PRKCI: variants seen among roughly 807,000 people sequenced by gnomAD.
The protein encoded by PRKCI is protein kinase C iota type.
In PRKCI, 43 loss-of-function variants were observed where a neutral mutation model predicts 84.0. The observed-to-expected ratio is 0.51, with a 90% CI of 0.40 to 0.66. The LOEUF is 0.66. PRKCI is among the 30% of genes least tolerant of loss of function. The pLI, the probability that PRKCI is intolerant of heterozygous loss-of-function variation, is 0.00. For missense variants in PRKCI, 459 were observed against 745.6 expected (o/e 0.62, Z 4.48); for synonymous variants, 216 against 234.4 (o/e 0.92, Z 0.72).
At chr3:170,238,190 C>T (rs902717357) in intron 2 of PRKCI, among the ~76,000 whole-genome samples, 1 of 152,064 alleles carries the variant, frequency 6.6e-6, no homozygotes, top group Admixed American at 6.6e-5. Flanking sequence ...TAGTGAAACC[C>T]CATCTCTACT....
chr3:170,275,363 T>C (rs1276615196), intron 8 of PRKCI, 76 bp downstream of exon 8: 13 of 1,393,854 alleles, frequency 9.3e-6, no homozygotes, highest in Non-Finnish European at 1.3e-5. Flanking sequence ...GTATGACATA[T>C]TGACCTGCTT....
intron 2 of PRKCI, among the ~76,000 whole-genome samples, chr3:170,247,069 C>T (rs1247467956): frequency 6.6e-6 from 1 of 151,720 alleles, no homozygotes; most frequent in Non-Finnish European, 1.5e-5. Flanking sequence ...GCTTTTAAGA[C>T]TTTTTTGTTT....
chr3:170,289,861 G>A (rs372414036), intron 12 of PRKCI, among the ~76,000 whole-genome samples: 67 of 151,534 alleles, frequency 4.4e-4, no homozygotes, highest in African/African-American at 1.4e-3. Context: ...GCAGTGAGCC[G>A]AGATCGCACC....
intron 1 of PRKCI, among the ~76,000 whole-genome samples, chr3:170,226,850 C>G (rs1732638292): frequency 6.6e-6 from 1 of 152,074 alleles, no homozygotes; most frequent in Non-Finnish European, 1.5e-5. Context: ...CCTAGGGCAG[C>G]TGATCCATAG....
At chr3:170,250,023 C>T (rs1379228238) in intron 2 of PRKCI, among the ~76,000 whole-genome samples, 1 of 152,108 alleles carries the variant, frequency 6.6e-6, no homozygotes, top group Non-Finnish European at 1.5e-5. Flanking sequence ...CACCCATAAT[C>T]CCAGCACTTT....
intron 15 of PRKCI, 43 bp downstream of exon 15, chr3:170,296,033 T>C: frequency 8.4e-7 from 1 of 1,185,568 alleles, no homozygotes; most frequent in Non-Finnish European, 1.2e-6. Flanking sequence ...TGTCTCTTTC[T>C]ATATATATCA....
chr3:170,271,259 G>T (rs1303485688), intron 6 of PRKCI, among the ~76,000 whole-genome samples: 2 of 152,050 alleles, frequency 1.3e-5, no homozygotes, highest in African/African-American at 4.8e-5. Flanking sequence ...TAGACATCCA[G>T]CTCCAACAGT....
At position 170,273,431 on chromosome 3, in the gene PRKCI, A is replaced by G; in HGVS notation, c.646+91A>G. 2.5e-6 allele frequency: 3 copies of G among 1,214,642 alleles called. No individual in the cohort carries two copies. In the South Asian group the frequency reaches 3.8e-5, roughly 16 times the overall value. The allele number at this position is 1,214,642 out of a possible 1,614,324, so 75.2% of individuals were successfully genotyped here. A position where few individuals can be genotyped will look rare whatever the true frequency, so the allele number is the denominator to read the frequency against. On this transcript the variant is annotated intron_variant, in intron 7 of 17. Coordinates refer to ENST00000295797, the MANE Select transcript of PRKCI (RefSeq NM_002740.6). ...GACTCTCTTACCCAAGTTTAAAAAC[A>G]TTTACTTCTTCCCAATTAAAAGTAA...
chr3:170,285,700 C>T (rs1194667633), intron 12 of PRKCI, among the ~76,000 whole-genome samples: 1 of 151,592 alleles, frequency 6.6e-6, no homozygotes, highest in East Asian at 1.9e-4. Flanking sequence ...CTTTTATGTA[C>T]AGAATTCAAC....
At chr3:170,288,021 C>T (rs1422883610) in intron 12 of PRKCI, among the ~76,000 whole-genome samples, 2 of 150,976 alleles carry the variant, frequency 1.3e-5, no homozygotes, top group South Asian at 2.1e-4. Flanking sequence ...CCGAGGCAGG[C>T]GGATCACAGG....
chr3:170,288,751 C>T (rs562142197), intron 12 of PRKCI, among the ~76,000 whole-genome samples: 8 of 152,122 alleles, frequency 5.3e-5, no homozygotes, highest in Admixed American at 2.0e-4. Flanking sequence ...AGTGAGACTC[C>T]GCCTCAAAAT....
In PRKCI at chr3:170,222,753, G is replaced by A; in HGVS notation, c.84G>A (p.Val28=). 1 of 1,582,592 alleles carries A rather than the reference G, an allele frequency of 6.3e-7. No homozygotes were observed. The highest frequency in any genetic ancestry group is 1.1e-5 in the South Asian group (1 of 90,200). ...GSGDHSHQVR[V]KAYYRGDIMI... ...GGGACCATTCCCACCAGGTCCGGGT[G>A]AAAGCCTACTACCGCGGGTGAGTGT... Residue 28 remains valine (V), a synonymous_variant, in exon 1 of 18, where the codon GTG becomes GTA. Transcript: ENST00000295797.
intron 1 of PRKCI, among the ~76,000 whole-genome samples, chr3:170,229,555 T>G (rs923039438): frequency 2.6e-5 from 4 of 152,176 alleles, no homozygotes; most frequent in Admixed American, 6.5e-5. Flanking sequence ...CCTCGGCCTC[T>G]CAAAGTGTAG....
At chr3:170,260,360 G>C (rs1334722238) in intron 3 of PRKCI, among the ~76,000 whole-genome samples, 1 of 152,184 alleles carries the variant, frequency 6.6e-6, no homozygotes, top group East Asian at 1.9e-4. Context: ...GGGAATCTAA[G>C]TCATCTACTT....
Position 170,280,178 on chromosome 3 carries a change from C to G in PRKCI, c.706-49C>G, listed in dbSNP as rs767122061. The G allele has an allele frequency of 6.1e-6, 9 of 1,480,676 alleles. No individual in the cohort carries two copies. The East Asian group carries it at 2.1e-4, about 34-fold the overall frequency. The allele number at this position is 1,480,676 out of a possible 1,614,324, so 91.7% of individuals were successfully genotyped here. ...AACTAGGTGTTAGAAATATAATGTA[C>G]TACGCAAAGCATTTCCCATTATAAC... On this transcript the variant is annotated intron_variant, in intron 8 of 17. Coordinates refer to ENST00000295797, the MANE Select transcript of PRKCI (RefSeq NM_002740.6).
At chr3:170,280,892 T>G (rs1181032914) in intron 9 of PRKCI, among the ~76,000 whole-genome samples, 6 of 152,176 alleles carry the variant, frequency 3.9e-5, no homozygotes, top group African/African-American at 1.4e-4. Context: ...GTAATTTGAT[T>G]ATTAGATTTT....
intron 11 of PRKCI, among the ~76,000 whole-genome samples, chr3:170,283,845 G>A (rs924374222): frequency 2.0e-5 from 3 of 152,156 alleles, no homozygotes; most frequent in Admixed American, 6.6e-5. Context: ...ATCAGCTCAG[G>A]CATTCCATTT....
intron 2 of PRKCI, among the ~76,000 whole-genome samples, chr3:170,242,645 GA>G (rs139750182): frequency 0.021 from 3,193 of 151,694 alleles, 53 homozygotes; most frequent in East Asian, 0.085. Flanking sequence ...GTAATGTAAA[GA>G]ACTTCCTTTA....
chr3:170,243,930 G>T (rs528296838), intron 2 of PRKCI, among the ~76,000 whole-genome samples: 15 of 152,318 alleles, frequency 9.8e-5, no homozygotes, highest in Non-Finnish European at 1.9e-4. Context: ...GAATTAGACT[G>T]GGGTTCACCT....
Sources: gnomAD v4.1 joint callset for allele counts (sites outside exome capture counted in the v4.1 genomes callset) on GRCh38, gnomAD v4.1.1 for gene constraint, MANE v1.5 for transcripts, NCBI Gene and HGNC (gene_info 2026-07-23, HGNC 2026-07-21) for gene names.